The following ADK variants were observed in gnomAD, a reference collection of about 807,000 sequenced individuals.
ADK encodes the protein adenosine kinase.
In ADK, 24 loss-of-function variants were observed where a neutral mutation model predicts 44.7. That is an observed-to-expected ratio of 0.54 (90% confidence interval 0.39 to 0.76). The LOEUF (loss-of-function observed/expected upper bound fraction) is 0.76, where lower values mean the gene tolerates loss of function less well. Among genes scored for constraint, ADK ranks in the 30% least tolerant of loss-of-function variants. The probability of loss-of-function intolerance (pLI) is 0.00; values close to 1 mark genes in which losing one functional copy is unlikely to be tolerated. For missense variants in ADK, 321 were observed against 425.1 expected (o/e 0.76, Z 2.15); for synonymous variants, 128 against 142.6 (o/e 0.90, Z 0.73).
At chr10:74,548,633 A>G (rs73274179) in intron 7 of ADK, among the ~76,000 whole-genome samples, 3,747 of 152,286 alleles carry the variant, frequency 0.025, 141 homozygotes, top group African/African-American at 0.074. Context: ...AAGAGAGGGA[A>G]TAAAGAAGAT....
At chr10:74,320,652 G>A (rs2131820612) in intron 4 of ADK, among the ~76,000 whole-genome samples, 1 of 152,138 alleles carries the variant, frequency 6.6e-6, no homozygotes, top group East Asian at 1.9e-4. Flanking sequence ...TAAGGATTCT[G>A]ATTAAATAAG....
At chr10:74,608,003 T>C (rs995743782) in intron 9 of ADK, among the ~76,000 whole-genome samples, 5 of 151,664 alleles carry the variant, frequency 3.3e-5, no homozygotes, top group African/African-American at 9.7e-5. Flanking sequence ...CTGATATCCT[T>C]TCTTCTGCTT....
At chr10:74,644,320 G>A (rs1192799895) in intron 9 of ADK, among the ~76,000 whole-genome samples, 2 of 152,202 alleles carry the variant, frequency 1.3e-5, no homozygotes, top group Non-Finnish European at 2.9e-5. Context: ...CTTATGAACA[G>A]ATTCAGTCTT....
At chr10:74,665,858 C>G (rs1054189323) in intron 9 of ADK, among the ~76,000 whole-genome samples, 2 of 151,958 alleles carry the variant, frequency 1.3e-5, no homozygotes, top group African/African-American at 4.8e-5. Context: ...AAACACCTGC[C>G]TACCTGCCTT....
chr10:74,215,093 T>C (rs562023593), intron 2 of ADK, among the ~76,000 whole-genome samples: 3 of 152,340 alleles, frequency 2.0e-5, no homozygotes, highest in Non-Finnish European at 4.4e-5. Flanking sequence ...CCCCGTCTTC[T>C]ATTCTTTGGA....
At chr10:74,625,096 A>G (rs944998233) in intron 9 of ADK, among the ~76,000 whole-genome samples, 11 of 152,180 alleles carry the variant, frequency 7.2e-5, no homozygotes, top group Non-Finnish European at 1.5e-4. Flanking sequence ...AAAGATGAAC[A>G]AAACAAAAAC....
chr10:74,459,997 T>C (rs1478863167), intron 6 of ADK, among the ~76,000 whole-genome samples: 2 of 152,168 alleles, frequency 1.3e-5, no homozygotes, highest in African/African-American at 4.8e-5. Context: ...ATAATTATAC[T>C]CACACTTTAA....
chr10:74,652,656 A>G (rs1446899093), intron 9 of ADK, among the ~76,000 whole-genome samples: 1 of 151,790 alleles, frequency 6.6e-6, no homozygotes, highest in African/African-American at 2.4e-5. Context: ...GCTACTTGGG[A>G]GGCTGAGGCA....
At chr10:74,371,182 A>G (rs992990955) in intron 4 of ADK, among the ~76,000 whole-genome samples, 3 of 152,170 alleles carry the variant, frequency 2.0e-5, no homozygotes, top group African/African-American at 7.2e-5. Context: ...TCAGTCTAGG[A>G]TTGGAAGGAG....
chr10:74,701,180 A>G (rs542353345), intron 10 of ADK, among the ~76,000 whole-genome samples: 13 of 152,352 alleles, frequency 8.5e-5, no homozygotes, highest in Middle Eastern at 3.4e-3. Flanking sequence ...TAAAAGAAGG[A>G]ACATACAAAT....
chr10:74,614,298 G>A (rs906513336), intron 9 of ADK, among the ~76,000 whole-genome samples: 13 of 152,116 alleles, frequency 8.5e-5, no homozygotes, highest in Non-Finnish European at 1.5e-4. Context: ...TTATAGCACT[G>A]ATTTCTGGAG....
intron 2 of ADK, among the ~76,000 whole-genome samples, chr10:74,221,348 C>T (rs1230162069): frequency 1.3e-5 from 2 of 149,982 alleles, no homozygotes; most frequent in East Asian, 1.9e-4. Context: ...GAACTACAAA[C>T]CACTGCTCAA....
intron 3 of ADK, among the ~76,000 whole-genome samples, chr10:74,270,071 A>AT (rs1846368284): frequency 6.6e-6 from 1 of 152,212 alleles, no homozygotes; most frequent in South Asian, 2.1e-4. Context: ...TCCGATGGTA[A>AT]TTAAAAGCAG....
intron 6 of ADK, among the ~76,000 whole-genome samples, chr10:74,502,193 G>A (rs1050469268): frequency 6.6e-6 from 1 of 152,032 alleles, no homozygotes; most frequent in Non-Finnish European, 1.5e-5. Flanking sequence ...TTAGCCCAGT[G>A]ATTTCTTTTT....
intron 3 of ADK, among the ~76,000 whole-genome samples, chr10:74,233,783 G>T (rs959264770): frequency 4.6e-5 from 7 of 152,112 alleles, no homozygotes; most frequent in African/African-American, 1.7e-4. Context: ...TGATCCCTCT[G>T]GGTATAGCTT....
In ADK at chr10:74,398,564, A is replaced by G. The variant is rs774141544; in HGVS notation, c.540A>G (p.Arg180=). 1 of 1,601,872 alleles carries G rather than the reference A, an allele frequency of 6.2e-7. No homozygotes were observed. Among genetic ancestry groups the G allele is most frequent in the African/African-American group, 1.3e-5 (1 of 74,780 alleles). Reference sequence around the variant, plus strand: ...ACTGGATGTTGGTAGAAAAAGCAAGAGTTTGTTATATAGCAGTAAGTACTT... The same window carrying G: ...ACTGGATGTTGGTAGAAAAAGCAAGGGTTTGTTATATAGCAGTAAGTACTT... ...EKNWMLVEKA[R]VCYIAGFFLT... The change falls in exon 6 of 11, where the codon AGA becomes AGG. Residue 180 remains arginine, a synonymous_variant. Coordinates refer to ENST00000539909, the MANE Select transcript of ADK (RefSeq NM_006721.4).
At chr10:74,308,693 T>G (rs1388545702) in intron 3 of ADK, among the ~76,000 whole-genome samples, 1 of 152,244 alleles carries the variant, frequency 6.6e-6, no homozygotes, top group Non-Finnish European at 1.5e-5. Flanking sequence ...TTTTGGAATT[T>G]CACTGTAAAG....
intron 9 of ADK, among the ~76,000 whole-genome samples, chr10:74,606,071 G>A (rs950400187): frequency 1.1e-4 from 17 of 152,112 alleles, no homozygotes; most frequent in Non-Finnish European, 1.2e-4. Flanking sequence ...TTATATTTCT[G>A]TGGGATCAGT....
At chr10:74,333,741 A>G (rs989755196) in intron 4 of ADK, among the ~76,000 whole-genome samples, 1 of 152,214 alleles carries the variant, frequency 6.6e-6, no homozygotes, top group Non-Finnish European at 1.5e-5. Context: ...TTTCAAAATT[A>G]TAAGTCCTGA....
Sources: allele counts gnomAD v4.1 joint callset (sites outside exome capture counted in the v4.1 genomes callset), GRCh38; gene constraint gnomAD v4.1.1; transcripts MANE v1.5; gene names NCBI Gene and HGNC (gene_info 2026-07-23, HGNC 2026-07-21).